The following ENTREP1 variants were observed in gnomAD, a reference collection of about 807,000 sequenced individuals.
ENTREP1 encodes the protein endosomal transmembrane epsin interactor 1.
At chr9:69,354,501 G>T in the ENTREP1 span, among the ~76,000 whole-genome samples, 1 of 152,058 alleles carries the variant, frequency 6.6e-6, no homozygotes, top group Non-Finnish European at 1.5e-5. Flanking sequence ...CAGGTGATCC[G>T]CCTGCCTTGG....
chr9:69,363,333 G>A, the ENTREP1 span, among the ~76,000 whole-genome samples: 1 of 152,158 alleles, frequency 6.6e-6, no homozygotes, highest in Non-Finnish European at 1.5e-5. Context: ...GGCAAGTGAT[G>A]ATTAATTTGA....
chr9:69,325,513 C>A, the ENTREP1 span: 1 of 982,972 alleles, frequency 1.0e-6, no homozygotes, highest in Non-Finnish European at 1.2e-6. Flanking sequence ...GGGTGCTGGC[C>A]GCGCCGCCGG....
At chr9:69,332,404 A>G in the ENTREP1 span, among the ~76,000 whole-genome samples, 1 of 152,212 alleles carries the variant, frequency 6.6e-6, no homozygotes, top group Non-Finnish European at 1.5e-5. Context: ...CTGTAAAACA[A>G]TTTAAATGGA....
the ENTREP1 span, chr9:69,377,711 C>T: frequency 1.2e-5 from 19 of 1,613,924 alleles, no homozygotes; most frequent in South Asian, 2.2e-5. Flanking sequence ...TATTTTGCCA[C>T]GTTTTACTCG....
the ENTREP1 span, chr9:69,386,148 GTTTT>G: frequency 7.1e-6 from 3 of 422,610 alleles, no homozygotes; most frequent in Non-Finnish European, 7.9e-6. Flanking sequence ...GGATGGTAGG[GTTTT>G]TTTGTTTTTT....
chr9:69,340,648 T>C, the ENTREP1 span, among the ~76,000 whole-genome samples: 4 of 144,678 alleles, frequency 2.8e-5, no homozygotes, highest in Admixed American at 2.0e-4. Flanking sequence ...TGCATGTGTG[T>C]GTGCATGTGT....
chr9:69,329,912 G>A, the ENTREP1 span, among the ~76,000 whole-genome samples: 1,571 of 143,518 alleles, frequency 0.011, 21 homozygotes, highest in South Asian at 0.06. Flanking sequence ...ACTGGGGTAT[G>A]GGAGTTAACT....
At chr9:69,347,128 A>C in the ENTREP1 span, among the ~76,000 whole-genome samples, 1 of 152,210 alleles carries the variant, frequency 6.6e-6, no homozygotes, top group Non-Finnish European at 1.5e-5. Context: ...CTAGCTGACC[A>C]GATGGGCCTC....
At chr9:69,383,332 C>T in the ENTREP1 span, 1 of 1,073,106 alleles carries the variant, frequency 9.3e-7, no homozygotes, top group African/African-American at 1.6e-5. Flanking sequence ...CCCTTCTCCC[C>T]CATCCCCTGG....
the ENTREP1 span, among the ~76,000 whole-genome samples, chr9:69,331,083 A>G: frequency 1.9e-3 from 287 of 152,244 alleles, 3 homozygotes; most frequent in Admixed American, 0.017. Context: ...TAGGGAAGAA[A>G]TACACACACA....
the ENTREP1 span, among the ~76,000 whole-genome samples, chr9:69,328,036 T>G: frequency 6.6e-6 from 1 of 152,250 alleles, no homozygotes; most frequent in Non-Finnish European, 1.5e-5. Flanking sequence ...TGACAGAGGT[T>G]GTTTTTTAAA....
At chr9:69,384,016 G>T in the ENTREP1 span, 1 of 1,605,800 alleles carries the variant, frequency 6.2e-7, no homozygotes, top group East Asian at 2.2e-5. Context: ...CTGCACACAA[G>T]TGACTCAAGG....
chr9:69,356,089 A>G, the ENTREP1 span, among the ~76,000 whole-genome samples: 2 of 152,170 alleles, frequency 1.3e-5, no homozygotes, highest in Non-Finnish European at 2.9e-5. Context: ...GAACTTTTTC[A>G]TCATCCCAAG....
the ENTREP1 span, among the ~76,000 whole-genome samples, chr9:69,385,469 A>G: frequency 6.6e-6 from 1 of 151,410 alleles, no homozygotes; most frequent in Non-Finnish European, 1.5e-5. Context: ...CTGCCCCAGA[A>G]TGCTTCCCTG....
At chr9:69,354,242 C>T in the ENTREP1 span, among the ~76,000 whole-genome samples, 2 of 144,974 alleles carry the variant, frequency 1.4e-5, no homozygotes, top group East Asian at 2.0e-4. Context: ...CTCTTGTTTG[C>T]CCTATTGCAA....
chr9:69,362,719 A>C, the ENTREP1 span, among the ~76,000 whole-genome samples: 1 of 152,158 alleles, frequency 6.6e-6, no homozygotes, highest in Non-Finnish European at 1.5e-5. Context: ...GGGCGAGGAA[A>C]GGCAGACCCA....
the ENTREP1 span, among the ~76,000 whole-genome samples, chr9:69,357,056 T>G: frequency 7.5e-6 from 1 of 133,084 alleles, no homozygotes; most frequent in Non-Finnish European, 1.5e-5. Flanking sequence ...GCCAGGAGTG[T>G]GAGACCAGCC....
the ENTREP1 span, among the ~76,000 whole-genome samples, chr9:69,366,777 T>G: frequency 6.6e-6 from 1 of 152,114 alleles, no homozygotes; most frequent in African/African-American, 2.4e-5. Flanking sequence ...TTTCCCAGCA[T>G]CATTTATTGA....
chr9:69,327,039 A>G, the ENTREP1 span, among the ~76,000 whole-genome samples: 3 of 152,098 alleles, frequency 2.0e-5, no homozygotes, highest in African/African-American at 7.2e-5. Flanking sequence ...TCGAAGAACT[A>G]ATTGAACCCA....
Sources: gnomAD v4.1 joint callset for allele counts (sites outside exome capture counted in the v4.1 genomes callset) on GRCh38, gnomAD v4.1.1 for gene constraint, MANE v1.5 for transcripts, NCBI Gene and HGNC (gene_info 2026-07-23, HGNC 2026-07-21) for gene names.